Variants in KIF20B observed in about 807,000 individuals in gnomAD.
KIF20B encodes the protein kinesin family member 20B.
A neutral mutation model predicts 232.5 loss-of-function variants in KIF20B; 188 were observed. That is an observed-to-expected ratio of 0.81 (90% confidence interval 0.72 to 0.91). The LOEUF (loss-of-function observed/expected upper bound fraction) is 0.91, where lower values mean the gene tolerates loss of function less well. KIF20B is among the 40% of genes least tolerant of loss of function. KIF20B has a pLI of 0.00. For synonymous variants in KIF20B, 712 were observed against 683.0 expected (o/e 1.04, Z -0.66); for missense variants, 2,154 against 2,055.9 (o/e 1.05, Z -0.92).
At chr10:89,724,598 T>C (rs1232216415) in intron 14 of KIF20B, among the ~76,000 whole-genome samples, 2 of 152,202 alleles carry the variant, frequency 1.3e-5, no homozygotes, top group African/African-American at 4.8e-5. Flanking sequence ...CTCTCTTTTT[T>C]AAATTTAAAT....
Position 89,760,624 on chromosome 10 carries a change from A to T in KIF20B, c.4779A>T (p.Arg1593Ser), listed in dbSNP as rs1842219413. The change falls in exon 28 of 33, where the codon AGA (arginine) becomes AGT (serine). Residue 1593 changes from arginine to serine, a missense_variant. Coordinates refer to ENST00000371728, the MANE Select transcript of KIF20B (RefSeq NM_001284259.2). ...TATCGACAAGTTTTGAAATTTCCAG[A>T]AATAAAATAGAGGTGGGTATTTGGC... is the stretch of plus-strand genomic sequence containing the variant. ...EPLSTSFEIS[R>S]NKIEDGSVVL... is the part of the protein sequence containing the mutation. 6.3e-7 allele frequency: 1 copy of T among 1,596,008 alleles called. No homozygotes were observed. Among genetic ancestry groups the T allele is most frequent in the African/African-American group, 1.3e-5 (1 of 74,560 alleles).
rs1589888176 is a variant in KIF20B, at chr10:89,770,766, A to G, written c.5242+1878A>G. Among the ~76,000 whole-genome samples, 6 of 152,024 alleles carry G rather than the reference A, an allele frequency of 3.9e-5. 1 individual carries two copies. In the South Asian group the frequency reaches 1.2e-3, roughly 31 times the overall value. On this transcript the variant is annotated intron_variant, in intron 31 of 32. Coordinates refer to ENST00000371728, the MANE Select transcript of KIF20B (RefSeq NM_001284259.2). ...TAATTTTTAAAATTCTGCTGCTCTG[A>G]TAACCACTGTTAATCCATCACTTAG...
chr10:89,739,166 C>T (rs1841739342), intron 21 of KIF20B, 70 bp downstream of exon 21: 2 of 1,476,092 alleles, frequency 1.4e-6, no homozygotes, highest in Non-Finnish European at 1.9e-6. Context: ...CAAACTTAGA[C>T]ATTAATCTTA....
intron 13 of KIF20B, among the ~76,000 whole-genome samples, chr10:89,722,426 T>C (rs1843079971): frequency 6.6e-6 from 1 of 152,134 alleles, no homozygotes; most frequent in Non-Finnish European, 1.5e-5. Context: ...TCCCAGCACT[T>C]TGGGAGGCCA....
chr10:89,716,753 G>A lies in KIF20B; in HGVS notation c.1052+206G>A, dbSNP rs114470367. On this transcript the variant is annotated intron_variant, in intron 9 of 32. Transcript: ENST00000371728. ...CTGACAGTAGATTTATTAATTTATA[G>A]GAAATCTCTGAGGTATTTTTACTCT... Among the ~76,000 whole-genome samples, 459 of 152,244 alleles carry A rather than the reference G, an allele frequency of 3.0e-3. 3 individuals carry two copies. Among genetic ancestry groups the A allele is most frequent in the African/African-American group, 0.01 (429 of 41,560 alleles).
intron 17 of KIF20B, among the ~76,000 whole-genome samples, 183 bp from the exon 18 acceptor site, chr10:89,728,945 G>GTA (rs1554850642): frequency 2.7e-5 from 2 of 75,458 alleles, no homozygotes; most frequent in African/African-American, 1.4e-4. Context: ...GTGTGTGTGT[G>GTA]TGTATGTAAT....
chr10:89,755,394 G>T (rs1255079293), intron 26 of KIF20B, among the ~76,000 whole-genome samples: 1 of 137,766 alleles, frequency 7.3e-6, no homozygotes, highest in African/African-American at 2.7e-5. Context: ...TTCCTTCCTT[G>T]CTCCCTCCCT....
At position 89,772,871 on chromosome 10, in the gene KIF20B, C is replaced by T. The variant is rs781760944; in HGVS notation, c.5385+40C>T. 6.6e-6 allele frequency: 10 copies of T among 1,512,790 alleles called. No homozygotes were observed. The East Asian group carries it at 7.0e-5, about 11-fold the overall frequency. The allele number at this position is 1,512,790 out of a possible 1,614,324, so 93.7% of individuals were successfully genotyped here. On this transcript the variant is annotated intron_variant, in intron 32 of 32. Transcript: ENST00000371728. ...CTGTTTTCATCAATGTAGAACTGTTCGTGTTCTTTTTAATTTTTTACAGTG... is the reference window on the plus strand; with the variant it reads ...CTGTTTTCATCAATGTAGAACTGTTTGTGTTCTTTTTAATTTTTTACAGTG...
intron 14 of KIF20B, 46 bp from the exon 15 acceptor site, chr10:89,724,974 G>C: frequency 3.8e-6 from 6 of 1,570,780 alleles, no homozygotes; most frequent in Non-Finnish European, 5.2e-6. Context: ...AAAACACAAA[G>C]TAGTTCGTTT....
At chr10:89,710,868 C>A in intron 5 of KIF20B, 93 bp from the exon 6 acceptor site, 2 of 890,936 alleles carry the variant, frequency 2.2e-6, no homozygotes, top group Non-Finnish European at 3.4e-6. Flanking sequence ...TGACTCTTGC[C>A]TATTGGTAGT....
chr10:89,749,669 C>T (rs1166220762), intron 23 of KIF20B, among the ~76,000 whole-genome samples: 2 of 152,102 alleles, frequency 1.3e-5, no homozygotes, highest in Non-Finnish European at 2.9e-5. Flanking sequence ...ATACAATATA[C>T]GGCCTTTTGT....
chr10:89,736,987 TC>T (rs1204201964), intron 19 of KIF20B, among the ~76,000 whole-genome samples: 2 of 152,106 alleles, frequency 1.3e-5, no homozygotes, highest in African/African-American at 4.8e-5. Context: ...TTAAAACTGT[TC>T]GTTAGGATAT....
chr10:89,771,903 G>A (rs1244655424), intron 31 of KIF20B, among the ~76,000 whole-genome samples: 2 of 151,868 alleles, frequency 1.3e-5, no homozygotes, highest in South Asian at 4.1e-4. Flanking sequence ...GAAATAAGTG[G>A]TTAAAAAGCT....
Position 89,774,194 on chromosome 10 carries a change from A to G in KIF20B, c.*146A>G. 2 of 414,984 alleles carry G rather than the reference A, an allele frequency of 4.8e-6. No homozygotes were observed. Among genetic ancestry groups the G allele is most frequent in the Non-Finnish European group, 8.6e-6 (2 of 231,322 alleles). The allele number at this position is 414,984 out of a possible 1,614,324, so 25.7% of individuals were successfully genotyped here. ...TTATACATAGTATAATTTTAATTCA[A>G]TAAATGAGTCAAAATTTGTATATTT... On this transcript the variant is annotated 3_prime_UTR_variant, in exon 33 of 33. Coordinates refer to ENST00000371728, the MANE Select transcript of KIF20B (RefSeq NM_001284259.2).
chr10:89,737,146 T>C (rs1164524596), intron 19 of KIF20B, among the ~76,000 whole-genome samples: 1 of 152,108 alleles, frequency 6.6e-6, no homozygotes, highest in Non-Finnish European at 1.5e-5. Flanking sequence ...GCCATCATTT[T>C]GGTGTACTTC....
chr10:89,712,929 G>A (rs1340109471), intron 6 of KIF20B, among the ~76,000 whole-genome samples: 2 of 152,118 alleles, frequency 1.3e-5, no homozygotes, highest in South Asian at 2.1e-4. Context: ...GCAGTAAAAA[G>A]TGTGTTACCA....
rs544249946 is a variant in KIF20B, at chr10:89,764,642, G to A, written c.4989+1807G>A. Among the ~76,000 whole-genome samples the A allele has an allele frequency of 2.4e-3, 366 of 152,068 alleles. 1 individual carries two copies. Among genetic ancestry groups the A allele is most frequent in the Non-Finnish European group, 4.3e-3 (294 of 67,988 alleles). On this transcript the variant is annotated intron_variant, in intron 29 of 32. Coordinates refer to ENST00000371728, the MANE Select transcript of KIF20B (RefSeq NM_001284259.2). ...GGTTTTGATTTGCATTTCTCTGATGGCCAGTGATGATGAGCATTTTTTCAT... is the reference window on the plus strand; with the variant it reads ...GGTTTTGATTTGCATTTCTCTGATGACCAGTGATGATGAGCATTTTTTCAT...
chr10:89,703,116 AATT>A (rs112331455), intron 1 of KIF20B, among the ~76,000 whole-genome samples: 27,040 of 152,112 alleles, frequency 0.18, 2,723 homozygotes, highest in Non-Finnish European at 0.23. Context: ...TTAAACCAAA[AATT>A]ATTATTTGAA....
At chr10:89,750,931 G>GGT (rs1842008610) in intron 23 of KIF20B, among the ~76,000 whole-genome samples, 1 of 151,988 alleles carries the variant, frequency 6.6e-6, no homozygotes, top group African/African-American at 2.4e-5. Context: ...AGTTTTAGGA[G>GGT]GTAAAGGTTT....
Sources: gnomAD v4.1 joint callset for allele counts (sites outside exome capture counted in the v4.1 genomes callset) on GRCh38, gnomAD v4.1.1 for gene constraint, MANE v1.5 for transcripts, NCBI Gene and HGNC (gene_info 2026-07-23, HGNC 2026-07-21) for gene names.